Variants in ARHGEF38 observed in about 807,000 individuals in gnomAD.
ARHGEF38 encodes Rho guanine nucleotide exchange factor (GEF) 38.
Under a neutral mutation model 79.9 loss-of-function variants are expected in ARHGEF38, and 79 were observed. The ratio of observed to expected loss-of-function variants is 0.99; its 90% CI spans 0.82 to 1.19. ARHGEF38 has a LOEUF of 1.19. Ranked by LOEUF, ARHGEF38 falls within the 50% of genes most tolerant of loss-of-function variation. ARHGEF38 has a pLI of 0.00. For missense variants in ARHGEF38, 962 were observed against 907.2 expected (o/e 1.06, Z -0.78); for synonymous variants, 366 against 328.3 (o/e 1.11, Z -1.24).
At chr4:105,649,455 G>A (rs1258121019) in intron 7 of ARHGEF38, among the ~76,000 whole-genome samples, 1 of 152,194 alleles carries the variant, frequency 6.6e-6, no homozygotes, top group African/African-American at 2.4e-5. Context: ...TTTAAAGTAA[G>A]TTATCAACAG....
At chr4:105,628,917 T>C (rs560046474) in intron 3 of ARHGEF38, among the ~76,000 whole-genome samples, 18 of 152,302 alleles carry the variant, frequency 1.2e-4, no homozygotes, top group Non-Finnish European at 2.2e-4. Flanking sequence ...AAGAGACAAA[T>C]GACAATTCTT....
intron 1 of ARHGEF38, among the ~76,000 whole-genome samples, chr4:105,578,537 A>G (rs1038364777): frequency 7.9e-5 from 12 of 152,118 alleles, no homozygotes; most frequent in African/African-American, 2.9e-4. Context: ...TTTTCCCACT[A>G]TTATTGTGTT....
In ARHGEF38 at chr4:105,589,348, T is replaced by C. The variant is rs1277189550; in HGVS notation, c.297T>C (p.Ile99=). 1.2e-6 allele frequency: 2 copies of C among 1,613,948 alleles called. No homozygotes were observed. The highest frequency in any genetic ancestry group is 2.2e-5 in the South Asian group (2 of 91,086). Reference sequence around the variant, plus strand: ...TGATGGCAAAGCGGGAAAAGATCATTAAGGAGCTGATACAGACAGAAAAGG... The same window carrying C: ...TGATGGCAAAGCGGGAAAAGATCATCAAGGAGCTGATACAGACAGAAAAGG... ...KRMMAKREKI[I]KELIQTEKDY... Residue 99 remains isoleucine (I), a synonymous_variant, in exon 2 of 14, where the codon ATT becomes ATC. Transcript: ENST00000420470.
At chr4:105,557,353 A>C (rs2110389135) in intron 1 of ARHGEF38, among the ~76,000 whole-genome samples, 1 of 152,234 alleles carries the variant, frequency 6.6e-6, no homozygotes, top group East Asian at 1.9e-4. Flanking sequence ...TTACTATAAA[A>C]TTTGAAGAAC....
chr4:105,673,896 G>A (rs953989972), intron 13 of ARHGEF38, among the ~76,000 whole-genome samples: 4 of 152,130 alleles, frequency 2.6e-5, no homozygotes, highest in Non-Finnish European at 5.9e-5. Flanking sequence ...GGGTAAGAGA[G>A]AATAATGAGC....
intron 2 of ARHGEF38, among the ~76,000 whole-genome samples, chr4:105,598,984 T>C (rs1435364371): frequency 6.6e-6 from 1 of 152,156 alleles, no homozygotes; most frequent in Non-Finnish European, 1.5e-5. Context: ...TGACACTGAG[T>C]CATCACACTT....
Position 105,667,381 on chromosome 4 carries a change from G to A in ARHGEF38, c.1888+54G>A, listed in dbSNP as rs548750039. The A allele has an allele frequency of 2.6e-6, 4 of 1,532,694 alleles. No homozygotes were observed. The East Asian group carries it at 7.3e-5, about 28-fold the overall frequency. 94.9% of individuals were successfully genotyped at this position (1,532,694 alleles called of 1,614,324 possible). A position where few individuals can be genotyped will look rare whatever the true frequency, so the allele number is the denominator to read the frequency against. On this transcript the variant is annotated intron_variant, in intron 12 of 13. Transcript: ENST00000420470. The stretch of plus-strand genomic sequence containing the variant: ...TCTTTAAACTGAGATTTTTCTGAGG[G>A]CACATGTTTGGGAAGAGTATACCCA...
rs555452890 is a variant in ARHGEF38 at position 105,630,325 on chromosome 4, G to T, written c.509-573G>T. Among the ~76,000 whole-genome samples, 4 of 150,674 alleles carry T rather than the reference G, an allele frequency of 2.7e-5. No homozygotes were observed. In the South Asian group the frequency reaches 6.3e-4, roughly 24 times the overall value. On this transcript the variant is annotated intron_variant, in intron 3 of 13. Transcript: ENST00000420470. The stretch of plus-strand genomic sequence containing the variant: ...TGCAGTGGTGCAATCTCAGCTCGCT[G>T]CAACCTCTGCCTCCCGGGTTCAAGC...
At position 105,613,501 on chromosome 4, in the gene ARHGEF38, G is replaced by C. The variant is rs773427927; in HGVS notation, c.502G>C (p.Val168Leu). The C allele has an allele frequency of 6.2e-7, 1 of 1,612,562 alleles. No individual in the cohort carries two copies. Among genetic ancestry groups the C allele is most frequent in the Admixed American group, 1.7e-5 (1 of 59,908 alleles). ...AACAGACGTGGAACCGGCCATGCAA[G>C]TAATTGGTATGTTTATTCTCTTCTC... ...ATTDVEPAMQVIGEVFLQIKG... is the reference protein window; with the variant it reads ...ATTDVEPAMQLIGEVFLQIKG... Residue 168 changes from valine (V) to leucine (L), a missense_variant, in exon 3 of 14, where the codon GTA becomes CTA. By Grantham distance (32) the Val-to-Leu change is conservative. Coordinates refer to ENST00000420470, the MANE Select transcript of ARHGEF38 (RefSeq NM_001242729.2).
rs1725584778 is a variant in ARHGEF38, at chr4:105,561,469, A to AGAATAGAATAGAATGGAATAGAATG, written c.196+8522_196+8523insGGAATAGAATGGAATAGAATAGAAT. ...AGAATGGAATAGAATAGAATAGAAT[A>AGAATAGAATAGAATGGAATAGAATG]GAATAGAATAGAATAGAATAGAATA... On this transcript the variant is annotated intron_variant, in intron 1 of 13. Transcript: ENST00000420470. 8 of 49,660 alleles carry AGAATAGAATAGAATGGAATAGAATG rather than the reference A, an allele frequency of 1.6e-4. 2 individuals carry two copies. The highest frequency in any genetic ancestry group is 6.1e-4 in the African/African-American group (7 of 11,468). The allele number at this position is 49,660 out of a possible 1,614,324, so 3.1% of individuals were successfully genotyped here. A position where few individuals can be genotyped will look rare whatever the true frequency, so the allele number is the denominator to read the frequency against.
At chr4:105,651,095 G>T (rs1730084858) in intron 7 of ARHGEF38, among the ~76,000 whole-genome samples, 1 of 152,160 alleles carries the variant, frequency 6.6e-6, no homozygotes, top group Admixed American at 6.5e-5. Context: ...CTAATTCTGG[G>T]CTGGCTTTTG....
At chr4:105,644,323 G>T (rs959649299) in intron 5 of ARHGEF38, among the ~76,000 whole-genome samples, 1 of 152,206 alleles carries the variant, frequency 6.6e-6, no homozygotes, top group Non-Finnish European at 1.5e-5. Flanking sequence ...TGAAAACAGT[G>T]TCTGTATTTC....
At chr4:105,592,264 T>A (rs1727375869) in intron 2 of ARHGEF38, among the ~76,000 whole-genome samples, 1 of 152,032 alleles carries the variant, frequency 6.6e-6, no homozygotes, top group African/African-American at 2.4e-5. Flanking sequence ...TATCCAACAA[T>A]CTTTCCTCAA....
At chr4:105,593,561 G>A (rs189609629) in intron 2 of ARHGEF38, among the ~76,000 whole-genome samples, 1 of 152,162 alleles carries the variant, frequency 6.6e-6, no homozygotes, top group East Asian at 1.9e-4. Context: ...TAAACAGACA[G>A]ACAAAAACAT....
chr4:105,558,145 C>T (rs1725341314), intron 1 of ARHGEF38, among the ~76,000 whole-genome samples: 1 of 152,132 alleles, frequency 6.6e-6, no homozygotes. Flanking sequence ...ACTGTATGAA[C>T]TTTATACAAA....
chr4:105,631,160 G>A, intron 4 of ARHGEF38, 115 bp downstream of exon 4: 1 of 1,361,394 alleles, frequency 7.3e-7, no homozygotes, highest in East Asian at 2.7e-5. Flanking sequence ...GAGACTTGCT[G>A]GGAGCTCTGC....
chr4:105,661,514 TTA>T (rs869179953), intron 10 of ARHGEF38, among the ~76,000 whole-genome samples: 2 of 147,924 alleles, frequency 1.4e-5, no homozygotes, highest in Non-Finnish European at 3.0e-5. Flanking sequence ...ATTATTATTA[TTA>T]TTGTTATAGC....
chr4:105,648,908 T>C (rs1345711848), intron 7 of ARHGEF38, among the ~76,000 whole-genome samples: 1 of 151,726 alleles, frequency 6.6e-6, no homozygotes, highest in Non-Finnish European at 1.5e-5. Context: ...GGATTGACAC[T>C]GTCTTAGCTG....
intron 3 of ARHGEF38, among the ~76,000 whole-genome samples, chr4:105,620,479 G>T (rs769615042): frequency 7.2e-5 from 11 of 152,122 alleles, no homozygotes; most frequent in Non-Finnish European, 1.3e-4. Flanking sequence ...TCCAATAGAT[G>T]ATGTTATAAA....
Sources: gnomAD v4.1 joint callset for allele counts (sites outside exome capture counted in the v4.1 genomes callset) on GRCh38, gnomAD v4.1.1 for gene constraint, MANE v1.5 for transcripts, NCBI Gene and HGNC (gene_info 2026-07-23, HGNC 2026-07-21) for gene names.